The following RTL9 variants were observed in gnomAD, a reference collection of about 807,000 sequenced individuals.
RTL9 encodes retrotransposon Gag-like protein 9.
A neutral mutation model predicts 44.7 loss-of-function variants in RTL9; 19 were observed. That is an observed-to-expected ratio of 0.42 (90% CI 0.30 to 0.62). The LOEUF is 0.62. RTL9 is among the 20% of genes least tolerant of loss of function. The pLI is 0.16. For missense variants in RTL9, 1,105 were observed against 1,080.6 expected (o/e 1.02, Z -0.32); for synonymous variants, 407 against 398.9 (o/e 1.02, Z -0.24).
At chrX:110,424,991 T>C (rs1182746155) in intron 1 of RTL9, among the ~76,000 whole-genome samples, 2 of 111,804 alleles carry the variant, frequency 1.8e-5, no homozygotes, top group Non-Finnish European at 3.8e-5. Flanking sequence ...CAGCTGAGAC[T>C]CAGAGACATT....
intron 1 of RTL9, among the ~76,000 whole-genome samples, chrX:110,359,631 A>C (rs917323598): frequency 2.7e-5 from 3 of 111,745 alleles, no homozygotes; most frequent in Non-Finnish European, 3.8e-5. Flanking sequence ...CTATTCATTA[A>C]TTAATTTATT....
At chrX:110,435,132 G>A (rs952190953) in intron 1 of RTL9, among the ~76,000 whole-genome samples, 1 of 85,735 alleles carries the variant, frequency 1.2e-5, no homozygotes, top group African/African-American at 4.3e-5. Context: ...GGGAGGGAGG[G>A]GGAAGAAGGA....
intron 1 of RTL9, chrX:110,440,108 C>T (rs1478051869): frequency 1.8e-5 from 2 of 111,148 alleles, no homozygotes; most frequent in African/African-American, 6.6e-5. Flanking sequence ...GCCTCCGTGC[C>T]CCTTACCGTG....
chrX:110,413,087 C>A (rs760668371), intron 1 of RTL9, among the ~76,000 whole-genome samples: 3 of 111,607 alleles, frequency 2.7e-5, no homozygotes, highest in African/African-American at 9.8e-5. Context: ...TCTGTCCTCT[C>A]CCATACCATC....
chrX:110,412,050 C>T (rs182468343), intron 1 of RTL9, among the ~76,000 whole-genome samples: 4 of 112,791 alleles, frequency 3.5e-5, no homozygotes, highest in African/African-American at 1.3e-4. Context: ...AGGGCCTATG[C>T]CCTATTAAAA....
chrX:110,402,956 A>G (rs372258504), intron 1 of RTL9, among the ~76,000 whole-genome samples: 2 of 111,793 alleles, frequency 1.8e-5, no homozygotes, highest in African/African-American at 6.5e-5. Flanking sequence ...CCTTTAAGGG[A>G]GGTTAGCCCC....
intron 1 of RTL9, among the ~76,000 whole-genome samples, chrX:110,428,606 C>T (rs1049630430): frequency 1.8e-5 from 2 of 111,254 alleles, no homozygotes; most frequent in African/African-American, 3.3e-5. Flanking sequence ...ACACTCCCCC[C>T]CTCTCCAAGA....
intron 1 of RTL9, among the ~76,000 whole-genome samples, chrX:110,378,031 A>G (rs1022068877): frequency 9.3e-6 from 1 of 107,596 alleles, no homozygotes; most frequent in South Asian, 3.9e-4. Flanking sequence ...AAAAAAAAAA[A>G]ATATCTACCT....
chrX:110,429,729 G>T (rs946497293), intron 1 of RTL9, among the ~76,000 whole-genome samples: 2 of 111,291 alleles, frequency 1.8e-5, no homozygotes, highest in African/African-American at 6.6e-5. Flanking sequence ...TGTTCCACCT[G>T]TCTCGGCCTC....
intron 1 of RTL9, among the ~76,000 whole-genome samples, chrX:110,374,324 G>A (rs2068360367): frequency 8.9e-6 from 1 of 111,783 alleles, no homozygotes; most frequent in African/African-American, 3.3e-5. Context: ...CTGGGCCAGG[G>A]TATATGCACA....
chrX:110,453,071 G>A (rs756228365), exon 1 of RTL9: 1 of 1,211,302 alleles, frequency 8.3e-7, no homozygotes, highest in Non-Finnish European at 1.1e-6. Flanking sequence ...ATGGAGCCAT[G>A]TCTGCTCCAC....
intron 1 of RTL9, among the ~76,000 whole-genome samples, chrX:110,372,630 T>G (rs747125961): frequency 7.1e-5 from 8 of 112,249 alleles, no homozygotes; most frequent in African/African-American, 2.6e-4. Flanking sequence ...TTAACAAGCC[T>G]CTATTATTAG....
At chrX:110,394,381 A>G (rs909360768) in intron 1 of RTL9, among the ~76,000 whole-genome samples, 6 of 111,251 alleles carry the variant, frequency 5.4e-5, no homozygotes, top group African/African-American at 2.0e-4. Flanking sequence ...CCTCCTGAGT[A>G]GCTGTGACTA....
At chrX:110,434,707 C>A (rs913549838) in intron 1 of RTL9, among the ~76,000 whole-genome samples, 3 of 111,148 alleles carry the variant, frequency 2.7e-5, no homozygotes, top group Non-Finnish European at 3.8e-5. Flanking sequence ...TGCTGGATAG[C>A]GGACATGTCC....
intron 1 of RTL9, among the ~76,000 whole-genome samples, chrX:110,437,582 C>A (rs907296570): frequency 5.4e-5 from 6 of 112,060 alleles, no homozygotes; most frequent in African/African-American, 1.9e-4. Context: ...ATGCTGCATT[C>A]TTGACCTGTG....
chrX:110,438,875 A>T (rs186041210), intron 1 of RTL9, among the ~76,000 whole-genome samples: 1 of 112,257 alleles, frequency 8.9e-6, no homozygotes, highest in East Asian at 2.8e-4. Flanking sequence ...CTGTGGAAAT[A>T]AAAGGGCAAA....
At chrX:110,416,880 C>G (rs2068681300), upstream of RTL9, among the ~76,000 whole-genome samples, 1 of 111,543 alleles carries the variant, frequency 9.0e-6, no homozygotes, top group Non-Finnish European at 1.9e-5. Context: ...GATTTCAGAG[C>G]TGAACCTCTC....
chrX:110,444,933 G>A (rs773508450), intron 1 of RTL9, among the ~76,000 whole-genome samples: 1 of 112,528 alleles, frequency 8.9e-6, no homozygotes, highest in Admixed American at 9.4e-5. Context: ...TATCCCTCCT[G>A]TTCTCTCTGA....
At chrX:110,438,911 T>C (rs1410783104) in intron 1 of RTL9, among the ~76,000 whole-genome samples, 1 of 112,351 alleles carries the variant, frequency 8.9e-6, no homozygotes, top group African/African-American at 3.2e-5. Flanking sequence ...TTTATTCTTA[T>C]TCATGGCTGA....
Sources: gnomAD v4.1 joint callset for allele counts (sites outside exome capture counted in the v4.1 genomes callset) on GRCh38, gnomAD v4.1.1 for gene constraint, MANE v1.5 for transcripts, NCBI Gene and HGNC (gene_info 2026-07-23, HGNC 2026-07-21) for gene names.